The following KNDC1 variants were observed in gnomAD, a reference collection of about 807,000 sequenced individuals.
KNDC1 encodes the protein kinase non-catalytic C-lobe domain-containing protein 1.
Under a neutral mutation model 172.8 loss-of-function variants are expected in KNDC1, and 106 were observed. The ratio of observed to expected loss-of-function variants is 0.61; its 90% CI spans 0.52 to 0.72. The LOEUF is 0.72. Among genes scored for constraint, KNDC1 ranks in the 30% least tolerant of loss-of-function variants. The pLI is 0.00. For missense variants in KNDC1, 2,325 were observed against 2,394.5 expected (o/e 0.97, Z 0.61); for synonymous variants, 1,083 against 1,062.2 (o/e 1.02, Z -0.38).
chr10:133,215,827 G>C (rs765543346), intron 26 of KNDC1, among the ~76,000 whole-genome samples: 1 of 152,266 alleles, frequency 6.6e-6, no homozygotes, highest in Non-Finnish European at 1.5e-5. Context: ...GGCAAGAGTC[G>C]TGCAGGCTCA....
In KNDC1 at chr10:133,168,240, C is replaced by G. The variant is rs746536144; in HGVS notation, c.302-14C>G. 4 of 1,613,360 alleles carry G rather than the reference C, an allele frequency of 2.5e-6. No individual in the cohort carries two copies. The highest frequency in any genetic ancestry group is 3.4e-6 in the Non-Finnish European group (4 of 1,179,460). ...GACCAGAAGCCTTCTCTCCTTCTCT[C>G]TCTCCTCCCCAAGACGACCCTGAGG... On this transcript the variant is annotated splice_polypyrimidine_tract_variant and intron_variant, in intron 2 of 29. Coordinates refer to ENST00000304613, the MANE Select transcript of KNDC1 (RefSeq NM_152643.8).
intron 16 of KNDC1, 115 bp from the exon 17 acceptor site, chr10:133,201,386 G>T: frequency 1.7e-6 from 2 of 1,185,156 alleles, no homozygotes; most frequent in Admixed American, 2.3e-5. Context: ...TGGTGGGCGG[G>T]TGCAAGAGAG....
At chr10:133,214,219 C>T (rs1845432064) in intron 26 of KNDC1, 97 bp downstream of exon 26, 2 of 1,324,102 alleles carry the variant, frequency 1.5e-6, no homozygotes, top group East Asian at 2.4e-5. Context: ...GAACCCTCTC[C>T]CAATGCAGTG....
intron 12 of KNDC1, 66 bp from the exon 13 acceptor site, chr10:133,198,271 G>A (rs980907067): frequency 1.4e-6 from 2 of 1,466,002 alleles, no homozygotes; most frequent in African/African-American, 1.4e-5. Context: ...GGTGGGATGA[G>A]CCGGTGGTGC....
Position 133,186,043 on chromosome 10 carries a change from A to C in KNDC1, c.695A>C (p.Asp232Ala), listed in dbSNP as rs766587716. 6.3e-7 allele frequency: 1 copy of C among 1,597,620 alleles called. No homozygotes were observed. The highest frequency in any genetic ancestry group is 1.7e-5 in the Admixed American group (1 of 58,074). The change falls in exon 6 of 30, where the codon GAC becomes GCC. Residue 232 changes from aspartate (D) to alanine (A), a missense_variant. Asp to Ala is a moderately radical substitution (Grantham distance 126, BLOSUM62 -2). Transcript: ENST00000304613. ...GCTGGGCCCAGGAGGCCGCCCGGGG[A>C]CCCCAGCACTGACCCGGAGGTTCTG... ...GNAGPRRPPG[D>A]PSTDPEVLPT...
rs560375564 is a variant in KNDC1 at position 133,194,424 on chromosome 10, G to A, written c.1576-1239G>A. Among the ~76,000 whole-genome samples the A allele has an allele frequency of 2.6e-5, 4 of 152,136 alleles. No individual in the cohort carries two copies. In the South Asian group the frequency reaches 8.3e-4, roughly 32 times the overall value. ...ATGGCGATGTGCTGGCTGAGATACTGGACTATATCAGTATCAGTATTTTGC... is the reference window on the plus strand; with the variant it reads ...ATGGCGATGTGCTGGCTGAGATACTAGACTATATCAGTATCAGTATTTTGC... On this transcript the variant is annotated intron_variant, in intron 9 of 29. Transcript: ENST00000304613.
chr10:133,189,534 C>T lies in KNDC1; in HGVS notation c.1442-64C>T, dbSNP rs1021911254. 6.7e-6 allele frequency: 10 copies of T among 1,502,320 alleles called. 1 individual carries two copies. The South Asian group carries it at 8.0e-5, about 12-fold the overall frequency. The allele number at this position is 1,502,320 out of a possible 1,614,324, so 93.1% of individuals were successfully genotyped here. A position where few individuals can be genotyped will look rare whatever the true frequency, so the allele number is the denominator to read the frequency against. On this transcript the variant is annotated intron_variant, in intron 7 of 29. Coordinates refer to ENST00000304613, the MANE Select transcript of KNDC1 (RefSeq NM_152643.8). ...CCTGACTGAGGCTCCGCAGCTCCTT[C>T]CCCCCAGCCAGCCCCAAGTGCGGGG... is the stretch of plus-strand genomic sequence containing the variant.
At chr10:133,170,477 G>A (rs945685849) in intron 3 of KNDC1, among the ~76,000 whole-genome samples, 10 of 152,164 alleles carry the variant, frequency 6.6e-5, no homozygotes, top group African/African-American at 1.2e-4. Flanking sequence ...TCCTTCCTGC[G>A]TCATAGGGGA....
chr10:133,160,574 GCC>G lies in KNDC1; in HGVS notation c.102+9_102+10del. 6.4e-7 allele frequency: 1 copy of G among 1,559,122 alleles called. No individual in the cohort carries two copies. ...CCCACCCTCCCCGAGGACGAGGTGA[GCC>G]CCCGGCCCCACTGGGGGGCCCCTTC... On this transcript the variant is annotated splice_donor_region_variant and intron_variant, in intron 1 of 29. Coordinates refer to ENST00000304613, the MANE Select transcript of KNDC1 (RefSeq NM_152643.8).
chr10:133,167,195 C>CT, intron 1 of KNDC1, 186 bp from the exon 2 acceptor site: 1 of 622,800 alleles, frequency 1.6e-6, no homozygotes. Context: ...TTCCGTGGCT[C>CT]TGACGTCCAG....
chr10:133,207,451 C>T, intron 20 of KNDC1, 100 bp downstream of exon 20: 1 of 1,108,156 alleles, frequency 9.0e-7, no homozygotes, highest in Non-Finnish European at 1.3e-6. Flanking sequence ...GCTGGGTTTG[C>T]ACTTTTTAGT....
At chr10:133,215,936 C>T (rs916604004) in intron 26 of KNDC1, among the ~76,000 whole-genome samples, 1 of 152,246 alleles carries the variant, frequency 6.6e-6, no homozygotes. Flanking sequence ...TCAGAACAGG[C>T]CCCTCACCTC....
chr10:133,224,252 C>T lies in KNDC1; in HGVS notation c.5019-407C>T, dbSNP rs1845674495. Reference sequence around the variant, plus strand: ...GCTGGTCACTGTCAACCAGCTGTCCCAGGCTTCCGGCCCTGGGCCCCGGCC... The same window carrying T: ...GCTGGTCACTGTCAACCAGCTGTCCTAGGCTTCCGGCCCTGGGCCCCGGCC... On this transcript the variant is annotated intron_variant, in intron 29 of 29. Coordinates refer to ENST00000304613, the MANE Select transcript of KNDC1 (RefSeq NM_152643.8). This position sits in a 1 kb window ranked among gnomAD's most constrained non-coding sequence, Gnocchi z 5.4. Among the ~76,000 whole-genome samples the T allele has an allele frequency of 6.6e-6, 1 of 152,176 alleles. No homozygotes were observed. The highest frequency in any genetic ancestry group is 1.9e-4 in the East Asian group (1 of 5,190).
intron 12 of KNDC1, among the ~76,000 whole-genome samples, chr10:133,198,009 G>A (rs954238245): frequency 6.6e-6 from 1 of 152,028 alleles, no homozygotes; most frequent in Non-Finnish European, 1.5e-5. Context: ...CCAGCAGCTG[G>A]CCCTCCCAAG....
intron 9 of KNDC1, among the ~76,000 whole-genome samples, chr10:133,192,134 A>G (rs1173224464): frequency 6.6e-6 from 1 of 152,246 alleles, no homozygotes; most frequent in Non-Finnish European, 1.5e-5. Flanking sequence ...GTCATTTTTC[A>G]CAGAATTAGA....
chr10:133,215,843 A>G (rs1845459652), intron 26 of KNDC1, among the ~76,000 whole-genome samples: 1 of 152,246 alleles, frequency 6.6e-6, no homozygotes, highest in African/African-American at 2.4e-5. Flanking sequence ...GCTCACACCC[A>G]GGGCTGCTGG....
intron 3 of KNDC1, among the ~76,000 whole-genome samples, chr10:133,178,013 G>A (rs1243885829): frequency 6.7e-6 from 1 of 149,444 alleles, no homozygotes; most frequent in African/African-American, 2.5e-5. Flanking sequence ...TGTGGTGTGT[G>A]CATGCATGTG....
intron 9 of KNDC1, among the ~76,000 whole-genome samples, chr10:133,192,752 A>C (rs529573255): frequency 6.6e-6 from 1 of 152,356 alleles, no homozygotes; most frequent in South Asian, 2.1e-4. Context: ...TTTGGACAAC[A>C]AAGAGAAAAT....
chr10:133,174,389 A>G (rs1167142907), intron 3 of KNDC1: 2 of 151,620 alleles, frequency 1.3e-5, no homozygotes, highest in Non-Finnish European at 2.9e-5. Context: ...GGAACTTCCA[A>G]CACGGAAGGA....
Sources: gnomAD v4.1 joint callset for allele counts (sites outside exome capture counted in the v4.1 genomes callset) on GRCh38, gnomAD v4.1.1 for gene constraint, Gnocchi (gnomAD v3.1) non-coding constraint, MANE v1.5 for transcripts, NCBI Gene and HGNC (gene_info 2026-07-23, HGNC 2026-07-21) for gene names.